Variants in BTD observed in about 807,000 individuals in gnomAD.
The protein encoded by BTD is biotinidase.
A neutral mutation model predicts 17.7 loss-of-function variants in BTD; 13 were observed. The observed-to-expected ratio is 0.74, with a 90% CI of 0.48 to 1.17. BTD has a LOEUF of 1.17. BTD is among the 50% of genes most tolerant of loss of function. The pLI is 0.00. For synonymous variants in BTD, 240 were observed against 245.2 expected, an observed-to-expected ratio of 0.98 and a Z score of 0.20; for missense variants, 674 against 650.4, an observed-to-expected ratio of 1.04 and a Z score of -0.39.
intron 3 of BTD, among the ~76,000 whole-genome samples, chr3:15,664,049 C>A (rs1033913997): frequency 1.3e-5 from 2 of 152,166 alleles, no homozygotes; most frequent in Non-Finnish European, 2.9e-5. Flanking sequence ...TTACAGGTGC[C>A]TGCCACCATG....
exon 4 of BTD, chr3:15,711,168 C>T: frequency 6.7e-7 from 1 of 1,487,196 alleles, no homozygotes; most frequent in Non-Finnish European, 9.3e-7. Context: ...CCTGCCATGA[C>T]CAGCTATCTT....
chr3:15,673,242 CTTATTCCAA>C (rs1366375897), intron 3 of BTD, among the ~76,000 whole-genome samples: 1 of 152,246 alleles, frequency 6.6e-6, no homozygotes, highest in Non-Finnish European at 1.5e-5. Context: ...GCATTCTATG[CTTATTCCAA>C]TTAAACTATT....
At chr3:15,636,966 G>A (rs985105428) in intron 2 of BTD, among the ~76,000 whole-genome samples, 1 of 152,040 alleles carries the variant, frequency 6.6e-6, no homozygotes, top group South Asian at 2.1e-4. Context: ...AGACTCACAG[G>A]TCCGTTTGTT....
intron 1 of BTD, among the ~76,000 whole-genome samples, chr3:15,623,711 C>G (rs938305890): frequency 2.0e-5 from 3 of 152,160 alleles, no homozygotes; most frequent in African/African-American, 7.2e-5. Flanking sequence ...AGCACCATCC[C>G]TCTAGTGTTG....
chr3:15,707,607 C>A (rs1040940163), intron 3 of BTD, among the ~76,000 whole-genome samples: 7 of 152,260 alleles, frequency 4.6e-5, no homozygotes, highest in African/African-American at 1.7e-4. Flanking sequence ...GATATAGTCA[C>A]GGCTGTAGCC....
intron 1 of BTD, among the ~76,000 whole-genome samples, chr3:15,615,831 G>A (rs1668125804): frequency 6.6e-6 from 1 of 152,156 alleles, no homozygotes. Flanking sequence ...GGCAACCACT[G>A]ATCATTTTAC....
chr3:15,601,707 A>G (rs2064247952), upstream of BTD: 1 of 1,561,766 alleles, frequency 6.4e-7, no homozygotes, highest in Non-Finnish European at 8.7e-7. Context: ...CGGCTCCTCC[A>G]TTCGCGCGCC....
At position 15,604,443 on chromosome 3, in the gene BTD, C is replaced by G. The variant is rs1004415772; in HGVS notation, c.-17+2549C>G. Among the ~76,000 whole-genome samples, 3 of 152,308 alleles carry G rather than the reference C, an allele frequency of 2.0e-5. No individual in the cohort carries two copies. In the East Asian group the frequency reaches 5.8e-4, roughly 29 times the overall value. On this transcript the variant is annotated intron_variant, in intron 1 of 3. Coordinates refer to ENST00000643237, the MANE Select transcript of BTD (RefSeq NM_001370658.1). ...ACAGCAGGGGGACCCTGGACCTGAC[C>G]CATGAAACCATTTTTCCTCCTAGGT...
At chr3:15,683,912 C>T (rs1389561056) in intron 3 of BTD, 7 of 152,152 alleles carry the variant, frequency 4.6e-5, no homozygotes. Flanking sequence ...GATTTTACAA[C>T]AGATATTATA....
intron 1 of BTD, among the ~76,000 whole-genome samples, chr3:15,608,183 C>T (rs1432157444): frequency 6.6e-6 from 1 of 152,234 alleles, no homozygotes; most frequent in East Asian, 1.9e-4. Flanking sequence ...CTGGCAAGCC[C>T]TGTGCCTTTA....
At chr3:15,664,179 T>C (rs2065954835) in intron 3 of BTD, among the ~76,000 whole-genome samples, 1 of 152,214 alleles carries the variant, frequency 6.6e-6, no homozygotes, top group South Asian at 2.1e-4. Flanking sequence ...CCTTACTGAT[T>C]TTCTGCCTGC....
chr3:15,631,371 C>T (rs2065199462), intron 1 of BTD: 2 of 1,239,400 alleles, frequency 1.6e-6, no homozygotes, highest in Admixed American at 2.2e-5. Context: ...ATGTATGTAT[C>T]TGCCTCTGAA....
chr3:15,674,999 G>A (rs1410560089), intron 3 of BTD, among the ~76,000 whole-genome samples: 3 of 152,178 alleles, frequency 2.0e-5, no homozygotes, highest in South Asian at 2.1e-4. Context: ...GCTGGACGCT[G>A]TGGCTCACAC....
At chr3:15,707,977 A>G in intron 3 of BTD, 1 of 1,612,670 alleles carries the variant, frequency 6.2e-7, no homozygotes, top group South Asian at 1.1e-5. Context: ...AGCCTCTTTC[A>G]TCAAGGTCAT....
chr3:15,651,802 G>C lies in BTD; in HGVS notation c.*6314G>C, dbSNP rs1198696311. ...ATGCAGCCCTGGCATGGTTCTTCCA[G>C]AACATTCTGCAAGCTCATGGACCAG... On this transcript the variant is annotated 3_prime_UTR_variant, in exon 4 of 4. Coordinates refer to ENST00000643237, the MANE Select transcript of BTD (RefSeq NM_001370658.1). Among the ~76,000 whole-genome samples the C allele has an allele frequency of 6.6e-6, 1 of 152,208 alleles. No individual in the cohort carries two copies. Among genetic ancestry groups the C allele is most frequent in the Non-Finnish European group, 1.5e-5 (1 of 68,030 alleles).
At chr3:15,696,103 T>G (rs2470547) in intron 3 of BTD, 1 of 1,366,554 alleles carries the variant, frequency 7.3e-7, no homozygotes, top group South Asian at 1.2e-5. Context: ...AAACTCCCAT[T>G]AGGTCTTTCA....
At chr3:15,616,036 TAATC>T (rs2064779716) in intron 1 of BTD, among the ~76,000 whole-genome samples, 1 of 152,244 alleles carries the variant, frequency 6.6e-6, no homozygotes, top group Non-Finnish European at 1.5e-5. Flanking sequence ...CACACTTTAT[TAATC>T]CATTCACCTA....
At chr3:15,603,060 A>C (rs1042623307) in intron 1 of BTD, among the ~76,000 whole-genome samples, 2 of 152,092 alleles carry the variant, frequency 1.3e-5, no homozygotes, top group Non-Finnish European at 2.9e-5. Flanking sequence ...GAGACTTACT[A>C]TCATTAGAAC....
intron 1 of BTD, among the ~76,000 whole-genome samples, chr3:15,604,681 AAC>A (rs1260202785): frequency 2.6e-5 from 4 of 152,184 alleles, no homozygotes; most frequent in Non-Finnish European, 5.9e-5. Context: ...CTTCCTCTGG[AAC>A]ACTTTGCCAT....
Sources: allele counts gnomAD v4.1 joint callset (sites outside exome capture counted in the v4.1 genomes callset), GRCh38; gene constraint gnomAD v4.1.1; transcripts MANE v1.5; gene names NCBI Gene and HGNC (gene_info 2026-07-23, HGNC 2026-07-21).